Variants in HIVEP3 observed in about 807,000 individuals in gnomAD.
The protein encoded by HIVEP3 is transcription factor HIVEP3.
Under a neutral mutation model 152.8 loss-of-function variants are expected in HIVEP3, and 49 were observed. That is an observed-to-expected ratio of 0.32 (90% CI 0.26 to 0.41). The LOEUF is 0.41. Among genes scored for constraint, HIVEP3 ranks in the 10% least tolerant of loss-of-function variants. HIVEP3 has a pLI of 1.00. For missense variants in HIVEP3, 2,790 were observed against 3,103.3 expected (o/e 0.90, Z 2.40); for synonymous variants, 1,269 against 1,289.0 (o/e 0.98, Z 0.33).
In HIVEP3 at chr1:41,938,006, C is replaced by T. The variant is rs143059390; in HGVS notation, n.120-19482G>A. The stretch of plus-strand genomic sequence containing the variant: ...CACTGTATGTGTCTGGGGTGTGTCA[C>T]CAGCTTTCTTTAAGGTCTTCCAGTG... On this transcript the variant is annotated intron_variant and non_coding_transcript_variant, in intron 1 of 3. Coordinates refer to the HIVEP3 transcript ENST00000489103. Among the ~76,000 whole-genome samples, 7 of 152,294 alleles carry T rather than the reference C, an allele frequency of 4.6e-5. No individual in the cohort carries two copies. In the East Asian group the frequency reaches 7.7e-4, roughly 17 times the overall value.
intron 1 of HIVEP3, among the ~76,000 whole-genome samples, chr1:41,764,504 C>T (rs1188495029): frequency 1.3e-5 from 2 of 152,142 alleles, no homozygotes; most frequent in African/African-American, 4.8e-5. Context: ...AGAGGGAAAC[C>T]TGCAAGGAAA....
intron 3 of HIVEP3, among the ~76,000 whole-genome samples, chr1:41,606,137 T>C (rs1407521927): frequency 6.7e-6 from 1 of 150,348 alleles, no homozygotes; most frequent in African/African-American, 2.5e-5. Context: ...TGCAGAGTTT[T>C]TCGCATTCAA....
At chr1:41,730,800 AC>A (rs1646828215) in intron 1 of HIVEP3, among the ~76,000 whole-genome samples, 1 of 151,982 alleles carries the variant, frequency 6.6e-6, no homozygotes, top group Admixed American at 6.6e-5. Flanking sequence ...GGGCACTTAG[AC>A]CCCACAGGTG....
At chr1:41,652,898 T>A (rs1473482978) in intron 2 of HIVEP3, among the ~76,000 whole-genome samples, 3 of 152,156 alleles carry the variant, frequency 2.0e-5, no homozygotes, top group African/African-American at 7.2e-5. Flanking sequence ...CACCATTGAT[T>A]TGTCACATGA....
At chr1:41,996,361 G>A (rs1645395812) in intron 1 of HIVEP3, among the ~76,000 whole-genome samples, 1 of 150,028 alleles carries the variant, frequency 6.7e-6, no homozygotes, top group African/African-American at 2.5e-5. Flanking sequence ...CTGCACTCCA[G>A]CCTGGGTGAC....
chr1:41,607,332 C>T (rs1212559351), intron 3 of HIVEP3, among the ~76,000 whole-genome samples: 1 of 152,136 alleles, frequency 6.6e-6, no homozygotes, highest in Non-Finnish European at 1.5e-5. Context: ...TTGAAATGAC[C>T]AATCTGGTCT....
Position 41,510,742 on chromosome 1 carries a change from G to A in HIVEP3, c.6930C>T (p.Thr2310=), listed in dbSNP as rs1644440326. The change falls in exon 9 of 9, where the codon ACC becomes ACT. Residue 2310 remains threonine, a synonymous_variant. Transcript: ENST00000372583. ...GCGGCCGGGGCAAGGTGTCGGGTGG[G>A]GTGCAGGGGCTGTGCGTGGGTGTGG... is the stretch of plus-strand genomic sequence containing the variant. ...AEPTPTHSPC[T]PPDTLPRPPQ... is the part of the protein sequence containing the mutation. The A allele has an allele frequency of 3.2e-6, 5 of 1,566,986 alleles. No homozygotes were observed. The African/African-American group carries it at 6.8e-5, about 21-fold the overall frequency.
In HIVEP3 at chr1:41,582,287, T is replaced by C; in HGVS notation, c.2511A>G (p.Gly837=). 6.2e-7 allele frequency: 1 copy of C among 1,614,102 alleles called. No homozygotes were observed. Residue 837 remains glycine, a synonymous_variant, in exon 4 of 9, where the codon GGA becomes GGG. Transcript: ENST00000372583. This position sits in a 1 kb window ranked among gnomAD's most constrained non-coding sequence, Gnocchi z 4.7. Reference sequence around the variant, plus strand: ...TAGGCTGCAGGGAGTGAGCAGAGCGTCCGTGTGGGGCAGGTGGGGGTGATG... The same window carrying C: ...TAGGCTGCAGGGAGTGAGCAGAGCGCCCGTGTGGGGCAGGTGGGGGTGATG... ...QFPSPPPAPH[G]RSAHSLQPKL...
At chr1:41,526,522 C>T (rs117095379) in intron 5 of HIVEP3, among the ~76,000 whole-genome samples, 3 of 111,078 alleles carry the variant, frequency 2.7e-5, no homozygotes, top group East Asian at 4.8e-4. Flanking sequence ...CACACTTGCC[C>T]TCACACATGC....
intron 7 of HIVEP3, among the ~76,000 whole-genome samples, chr1:41,516,787 C>T (rs946644166): frequency 6.6e-6 from 1 of 152,256 alleles, no homozygotes; most frequent in African/African-American, 2.4e-5. Flanking sequence ...AGAGCTCCTC[C>T]CTGACCCCAC....
At chr1:41,895,038 T>C (rs1366756537) in intron 1 of HIVEP3, among the ~76,000 whole-genome samples, 3 of 150,132 alleles carry the variant, frequency 2.0e-5, no homozygotes, top group Admixed American at 6.6e-5. Context: ...TTTAGTATGG[T>C]CGCGTCTGTA....
Position 41,583,362 on chromosome 1 carries a change from C to A in HIVEP3, c.1436G>T (p.Ser479Ile). 1 of 1,612,778 alleles carries A rather than the reference C, an allele frequency of 6.2e-7. No individual in the cohort carries two copies. The stretch of plus-strand genomic sequence containing the variant: ...CCTTGGCTTCACGCTGTCGATCTCG[C>A]TGGTGTCCACCACGGCCTCGTTGAT... ...ITINEAVVDT[S>I]EIDSVKPRRS... is the part of the protein sequence containing the mutation. Residue 479 changes from serine (S) to isoleucine (I), a missense_variant, in exon 4 of 9, where the codon AGC becomes ATC. Ser to Ile is a moderately radical substitution (Grantham distance 142). Transcript: ENST00000372583. The surrounding 1 kb of genome is among the most constrained non-coding windows in gnomAD (Gnocchi z 6.9).
intron 1 of HIVEP3, among the ~76,000 whole-genome samples, chr1:41,876,994 T>C (rs1285091434): frequency 6.6e-6 from 1 of 152,192 alleles, no homozygotes; most frequent in Non-Finnish European, 1.5e-5. Context: ...AGTTTCAGTT[T>C]CCTTACTGAA....
chr1:42,001,975 C>T (rs1645430830), intron 1 of HIVEP3, among the ~76,000 whole-genome samples: 1 of 152,152 alleles, frequency 6.6e-6, no homozygotes, highest in South Asian at 2.1e-4. Flanking sequence ...GATTGGTGGG[C>T]ACCAATGCCC....
chr1:41,583,283 G>A lies in HIVEP3; in HGVS notation c.1515C>T (p.Tyr505=). The A allele has an allele frequency of 6.2e-7, 1 of 1,613,236 alleles. No homozygotes were observed. Among genetic ancestry groups the A allele is most frequent in the Non-Finnish European group, 8.5e-7 (1 of 1,179,740 alleles). The part of the protein sequence containing the change: ...SSMESPKSSL[Y]REPLSSHSEK... ...CACTGTGGGATGACAGGGGCTCCCG[G>A]TAGAGGCTGGATTTTGGGGACTCCA... The change falls in exon 4 of 9, where the codon TAC becomes TAT. Residue 505 remains tyrosine, a synonymous_variant. Coordinates refer to ENST00000372583, the MANE Select transcript of HIVEP3 (RefSeq NM_024503.5). This position sits in a 1 kb window ranked among gnomAD's most constrained non-coding sequence, Gnocchi z 6.9.
intron 1 of HIVEP3, among the ~76,000 whole-genome samples, chr1:42,023,760 C>A (rs1645567432): frequency 6.6e-6 from 1 of 152,184 alleles, no homozygotes; most frequent in Admixed American, 6.5e-5. Context: ...GAGCCGATGC[C>A]AGCATCATGT....
At chr1:41,535,909 G>GC (rs1643386882) in intron 5 of HIVEP3, 1 of 151,440 alleles carries the variant, frequency 6.6e-6, no homozygotes, top group South Asian at 2.1e-4. Flanking sequence ...GTCCTCTCCT[G>GC]CCCCCGGCAA....
At chr1:41,597,775 C>CT (rs1005629333) in intron 3 of HIVEP3, among the ~76,000 whole-genome samples, 1 of 152,138 alleles carries the variant, frequency 6.6e-6, no homozygotes, top group African/African-American at 2.4e-5. Context: ...GCTTGTTAAC[C>CT]TTTTTTTACC....
At chr1:41,636,431 C>T (rs1346327812) in intron 2 of HIVEP3, among the ~76,000 whole-genome samples, 1 of 152,164 alleles carries the variant, frequency 6.6e-6, no homozygotes, top group South Asian at 2.1e-4. Context: ...AATTGGACCT[C>T]AGTGCTCTTA....
Sources: allele counts gnomAD v4.1 joint callset (sites outside exome capture counted in the v4.1 genomes callset), GRCh38; gene constraint gnomAD v4.1.1; non-coding constraint Gnocchi (gnomAD v3.1); transcripts MANE v1.5; gene names NCBI Gene and HGNC (gene_info 2026-07-23, HGNC 2026-07-21).